ATRNL1: variants seen among roughly 807,000 people sequenced by gnomAD.
ATRNL1 encodes attractin-like protein 1.
A neutral mutation model predicts 182.7 loss-of-function variants in ATRNL1; 95 were observed. The ratio of observed to expected loss-of-function variants is 0.52; its 90% CI spans 0.44 to 0.62. The LOEUF is 0.62. ATRNL1 is among the 20% of genes least tolerant of loss of function. The pLI is 0.00. For synonymous variants in ATRNL1, 576 were observed against 568.3 expected (o/e 1.01, Z -0.19); for missense variants, 1,471 against 1,679.5 (o/e 0.88, Z 2.17).
intron 27 of ATRNL1, among the ~76,000 whole-genome samples, chr10:115,764,707 C>A (rs1476042869): frequency 6.6e-6 from 1 of 152,074 alleles, no homozygotes; most frequent in Non-Finnish European, 1.5e-5. Flanking sequence ...GAGTCTCACT[C>A]TGTTGCCCAG....
chr10:115,715,404 A>AT (rs1947217563), intron 26 of ATRNL1, among the ~76,000 whole-genome samples: 1 of 152,198 alleles, frequency 6.6e-6, no homozygotes, highest in Non-Finnish European at 1.5e-5. Flanking sequence ...AAATCCATAT[A>AT]CCTTATCTGT....
chr10:115,491,512 C>T (rs556479583), intron 24 of ATRNL1, among the ~76,000 whole-genome samples: 4 of 152,162 alleles, frequency 2.6e-5, no homozygotes, highest in South Asian at 2.1e-4. Context: ...GGGCTCAGCT[C>T]TGTTTGAACT....
At chr10:115,788,811 G>A (rs1016189255) in intron 27 of ATRNL1, among the ~76,000 whole-genome samples, 9 of 152,206 alleles carry the variant, frequency 5.9e-5, no homozygotes, top group Non-Finnish European at 1.3e-4. Flanking sequence ...TCCTGTGAGA[G>A]GGCTGTCAGA....
intron 27 of ATRNL1, among the ~76,000 whole-genome samples, chr10:115,840,488 C>CTTTATATATATA (rs1555096751): frequency 6.6e-6 from 1 of 152,030 alleles, no homozygotes; most frequent in Non-Finnish European, 1.5e-5. Context: ...TATATTACTC[C>CTTTATATATATA]TTTAATCATT....
intron 5 of ATRNL1, among the ~76,000 whole-genome samples, chr10:115,157,940 A>T (rs1052432927): frequency 3.3e-5 from 5 of 151,428 alleles, no homozygotes; most frequent in Non-Finnish European, 7.4e-5. Context: ...TCTCTATCAA[A>T]CTCTTTTCCA....
At chr10:115,278,005 C>T (rs1335290769) in intron 13 of ATRNL1, among the ~76,000 whole-genome samples, 2 of 152,114 alleles carry the variant, frequency 1.3e-5, no homozygotes, top group African/African-American at 2.4e-5. Flanking sequence ...TGAGTTGTGA[C>T]AGTCATTTAT....
intron 26 of ATRNL1, among the ~76,000 whole-genome samples, chr10:115,597,342 A>C (rs1555014314): frequency 6.6e-6 from 1 of 152,114 alleles, no homozygotes; most frequent in Non-Finnish European, 1.5e-5. Context: ...AAAGGTTGAG[A>C]AATGAAGTAA....
chr10:115,188,868 C>A (rs1199873415), intron 8 of ATRNL1, among the ~76,000 whole-genome samples: 9 of 152,018 alleles, frequency 5.9e-5, no homozygotes, highest in Admixed American at 4.6e-4. Context: ...TAGGAGAAAT[C>A]TCCAGTTTAG....
At chr10:115,515,608 G>A (rs1257164971) in intron 24 of ATRNL1, among the ~76,000 whole-genome samples, 1 of 151,546 alleles carries the variant, frequency 6.6e-6, no homozygotes, top group Non-Finnish European at 1.5e-5. Flanking sequence ...ATGTTCTATG[G>A]ATTAAAAATA....
intron 28 of ATRNL1, among the ~76,000 whole-genome samples, chr10:115,885,939 T>G (rs1951934560): frequency 6.6e-6 from 1 of 152,224 alleles, no homozygotes; most frequent in Non-Finnish European, 1.5e-5. Context: ...TGTGTTTTCA[T>G]GAAAACATGT....
intron 20 of ATRNL1, among the ~76,000 whole-genome samples, chr10:115,425,514 T>C (rs1406999683): frequency 6.6e-6 from 1 of 152,036 alleles, no homozygotes; most frequent in East Asian, 1.9e-4. Flanking sequence ...AACAAGGTTT[T>C]GTGAACTTGA....
chr10:115,222,038 A>G, intron 9 of ATRNL1, among the ~76,000 whole-genome samples: 1 of 152,202 alleles, frequency 6.6e-6, no homozygotes, highest in East Asian at 1.9e-4. Flanking sequence ...AGTGTTTTAG[A>G]CACAAACTTT....
chr10:115,291,442 T>G (rs1311372837), intron 15 of ATRNL1, among the ~76,000 whole-genome samples: 5 of 152,182 alleles, frequency 3.3e-5, no homozygotes, highest in African/African-American at 1.2e-4. Context: ...ATGTTAGCTG[T>G]GGGTTTGTCA....
At chr10:115,137,813 ACCAATGATGCCTTC>A (rs1845583216) in intron 5 of ATRNL1, among the ~76,000 whole-genome samples, 1 of 152,084 alleles carries the variant, frequency 6.6e-6, no homozygotes, top group African/African-American at 2.4e-5. Flanking sequence ...ACATTTCAAA[ACCAATGATGCCTTC>A]CCAACAGTCC....
chr10:115,917,340 G>A (rs1242559130), intron 28 of ATRNL1, among the ~76,000 whole-genome samples: 3 of 151,908 alleles, frequency 2.0e-5, no homozygotes, highest in Non-Finnish European at 4.4e-5. Flanking sequence ...CATGGCGGCG[G>A]GCACCTGTAG....
At chr10:115,837,321 A>AC (rs1385165422) in intron 27 of ATRNL1, among the ~76,000 whole-genome samples, 2 of 152,028 alleles carry the variant, frequency 1.3e-5, no homozygotes, top group Non-Finnish European at 2.9e-5. Flanking sequence ...CTGCAGGAAG[A>AC]CCCCAGAGAC....
chr10:115,398,035 C>T (rs550040771), intron 20 of ATRNL1, among the ~76,000 whole-genome samples: 2 of 152,060 alleles, frequency 1.3e-5, no homozygotes, highest in South Asian at 4.1e-4. Flanking sequence ...TAGGTATACA[C>T]TGTCAATAGT....
rs71010006 is a variant in ATRNL1 at position 115,098,453 on chromosome 10, CTTTTTTTTTTT to C, written c.293+4426_293+4436del. Among the ~76,000 whole-genome samples, 54 of 80,732 alleles carry C rather than the reference CTTTTTTTTTTT, an allele frequency of 6.7e-4. No homozygotes were observed. The South Asian group carries it at 8.2e-3, about 12-fold the overall frequency. 53.0% of individuals were successfully genotyped at this position (80,732 alleles called of 152,430 possible). A position where few individuals can be genotyped will look rare whatever the true frequency, so the allele number is the denominator to read the frequency against. On this transcript the variant is annotated intron_variant, in intron 1 of 28. Coordinates refer to ENST00000355044, the MANE Select transcript of ATRNL1 (RefSeq NM_207303.4). ...CTAATCTTAGCTTAAATACTAGTTTCTTTTTTTTTTTTTTTTTTTTTTTTTTGAGACCGAGT... is the reference window on the plus strand; with the variant it reads ...CTAATCTTAGCTTAAATACTAGTTTCTTTTTTTTTTTTTTTGAGACCGAGT...
At chr10:115,721,363 T>C (rs1411035796) in intron 26 of ATRNL1, among the ~76,000 whole-genome samples, 1 of 152,232 alleles carries the variant, frequency 6.6e-6, no homozygotes, top group Non-Finnish European at 1.5e-5. Flanking sequence ...GCATATGTAC[T>C]ATATATGCAT....
Sources: allele counts gnomAD v4.1 joint callset (sites outside exome capture counted in the v4.1 genomes callset), GRCh38; gene constraint gnomAD v4.1.1; transcripts MANE v1.5; gene names NCBI Gene and HGNC (gene_info 2026-07-23, HGNC 2026-07-21).